Variants in DNAH17 observed in about 807,000 individuals in gnomAD.
DNAH17 encodes axonemal beta dynein heavy chain 17.
Under a neutral mutation model 485.6 loss-of-function variants are expected in DNAH17, and 376 were observed. The ratio of observed to expected loss-of-function variants is 0.77; its 90% CI spans 0.71 to 0.84. The LOEUF is 0.84. DNAH17 is among the 40% of genes least tolerant of loss of function. The pLI is 0.00. For synonymous variants in DNAH17, 3,031 were observed against 2,405.9 expected (o/e 1.26, Z -7.60); for missense variants, 6,370 against 5,839.3 (o/e 1.09, Z -2.96).
At chr17:78,477,686 C>T (rs1347199529) in intron 51 of DNAH17, among the ~76,000 whole-genome samples, 1 of 152,168 alleles carries the variant, frequency 6.6e-6, no homozygotes, top group Non-Finnish European at 1.5e-5. Flanking sequence ...TGGGCTGATA[C>T]TTTACGTGGG....
intron 68 of DNAH17, 126 bp from the exon 69 acceptor site, chr17:78,449,710 C>T (rs2087465650): frequency 1.0e-6 from 1 of 992,184 alleles, no homozygotes; most frequent in Non-Finnish European, 1.5e-6. Context: ...CAGAGTCTTG[C>T]TCTGTCGCCC....
At chr17:78,455,931 G>A in intron 62 of DNAH17, 95 bp from the exon 63 acceptor site, 1 of 1,100,828 alleles carries the variant, frequency 9.1e-7, no homozygotes, top group South Asian at 2.1e-5. Flanking sequence ...AATCTTCAGA[G>A]TTTCCCGTCT....
In DNAH17 at chr17:78,571,361, C is replaced by A. The variant is rs1331958270; in HGVS notation, c.750G>T (p.Val250=). 1.9e-6 allele frequency: 3 copies of A among 1,613,708 alleles called. No homozygotes were observed. Among genetic ancestry groups the A allele is most frequent in the Non-Finnish European group, 2.5e-6 (3 of 1,179,792 alleles). ...CIHEQLNRPK[V]NKIVEILEKA... Reference sequence around the variant, plus strand: ...TCTCTAGGATCTCAACAATCTTGTTCACTTTGGGTCTGTTTAGCTGAGAAG... The same window carrying A: ...TCTCTAGGATCTCAACAATCTTGTTAACTTTGGGTCTGTTTAGCTGAGAAG... Residue 250 remains valine, a synonymous_variant, in exon 5 of 81, where the codon GTG becomes GTT. Transcript: ENST00000389840.
chr17:78,495,472 T>C (rs1205498589), intron 38 of DNAH17, among the ~76,000 whole-genome samples: 3 of 150,182 alleles, frequency 2.0e-5, no homozygotes, highest in Admixed American at 1.3e-4. Context: ...AGTTTTGTTC[T>C]TGTTGCCCAG....
At position 78,514,800 on chromosome 17, in the gene DNAH17, A is replaced by G; in HGVS notation, c.4087T>C (p.Trp1363Arg). Reference sequence around the variant, plus strand: ...TGGGTGGCCTGCATGAGCTGCTGCCAGTGGCGTTCCCGAATGGCAGGGTTC... The same window carrying G: ...TGGGTGGCCTGCATGAGCTGCTGCCGGTGGCGTTCCCGAATGGCAGGGTTC... ...LQNPAIRERH[W>R]QQLMQATQVK... Residue 1363 changes from tryptophan (W) to arginine (R), a missense_variant, in exon 26 of 81, where the codon TGG becomes CGG. By Grantham distance (101) the Trp-to-Arg change is moderately radical. Coordinates refer to ENST00000389840, the MANE Select transcript of DNAH17 (RefSeq NM_173628.4). The G allele has an allele frequency of 6.2e-7, 1 of 1,613,998 alleles. No individual in the cohort carries two copies. Among genetic ancestry groups the G allele is most frequent in the Non-Finnish European group, 8.5e-7 (1 of 1,179,880 alleles).
At position 78,466,611 on chromosome 17, in the gene DNAH17, C is replaced by T. The variant is rs561605057; in HGVS notation, c.8940+44G>A. 77 of 1,562,952 alleles carry T rather than the reference C, an allele frequency of 4.9e-5. No homozygotes were observed. The South Asian group carries it at 7.2e-4, about 15-fold the overall frequency. On this transcript the variant is annotated intron_variant, in intron 56 of 80. Coordinates refer to ENST00000389840, the MANE Select transcript of DNAH17 (RefSeq NM_173628.4). ...AGCCAGCCCTTGGGCCTGTCCTTGT[C>T]CTCTGGGCTCTACACTCAGGCAGAG... is the stretch of plus-strand genomic sequence containing the variant.
At chr17:78,482,405 T>A (rs2146629352) in intron 48 of DNAH17, among the ~76,000 whole-genome samples, 1 of 152,366 alleles carries the variant, frequency 6.6e-6, no homozygotes, top group South Asian at 2.1e-4. Flanking sequence ...CTTGTATATT[T>A]CAGATATTAA....
Position 78,570,341 on chromosome 17 carries a change from G to T in DNAH17, c.950C>A (p.Thr317Asn). 2 of 1,610,566 alleles carry T rather than the reference G, an allele frequency of 1.2e-6. No individual in the cohort carries two copies. The highest frequency in any genetic ancestry group is 1.7e-4 in the Middle Eastern group (1 of 6,032). ...LPTFIAKVLD[T>N]ICFIWATSEY... ...AGAGGTGGCCCAGATGAAGCAGATG[G>T]TGTCCAGCACCTTGGCAATGAAGGT... Residue 317 changes from threonine to asparagine, a missense_variant, in exon 7 of 81, where the codon ACC becomes AAC. Transcript: ENST00000389840.
At position 78,536,410 on chromosome 17, in the gene DNAH17, A is replaced by G. The variant is rs564806663; in HGVS notation, c.2859+889T>C. Among the ~76,000 whole-genome samples, 570 of 152,274 alleles carry G rather than the reference A, an allele frequency of 3.7e-3. 5 individuals carry two copies. The highest frequency in any genetic ancestry group is 0.013 in the African/African-American group (545 of 41,550). ...GGTTGCAGTCAGCTGAGATTATGCT[A>G]CTGCACTCCAGCCTGGGCAACAGAG... On this transcript the variant is annotated intron_variant, in intron 19 of 80. Transcript: ENST00000389840.
chr17:78,439,294 G>A (rs2086977344), intron 72 of DNAH17, 77 bp from the exon 73 acceptor site: 1 of 1,471,782 alleles, frequency 6.8e-7, no homozygotes, highest in Admixed American at 2.3e-5. Flanking sequence ...CTACAGCCAG[G>A]AATTCCACAT....
Position 78,562,060 on chromosome 17 carries a change from G to A in DNAH17, c.1570-80C>T, listed in dbSNP as rs551485662. On this transcript the variant is annotated intron_variant, in intron 11 of 80. Transcript: ENST00000389840. ...CCTGTGGCTGTGGACAAAACGGGCAGGGCCAATCTTCAGGAGTGAGAGAAT... is the reference window on the plus strand; with the variant it reads ...CCTGTGGCTGTGGACAAAACGGGCAAGGCCAATCTTCAGGAGTGAGAGAAT... 2.6e-5 allele frequency: 39 copies of A among 1,474,700 alleles called. No individual in the cohort carries two copies. The African/African-American group carries it at 5.2e-4, about 20-fold the overall frequency. 91.4% of individuals were successfully genotyped at this position (1,474,700 alleles called of 1,614,324 possible). A position where few individuals can be genotyped will look rare whatever the true frequency, so the allele number is the denominator to read the frequency against.
intron 51 of DNAH17, among the ~76,000 whole-genome samples, chr17:78,478,227 C>G (rs919075980): frequency 2.2e-4 from 32 of 146,950 alleles, no homozygotes; most frequent in Admixed American, 2.1e-3. Context: ...ATCACCACAT[C>G]ACCATCACCA....
intron 78 of DNAH17, 47 bp from the exon 79 acceptor site, chr17:78,426,647 G>T (rs1181789217): frequency 2.6e-6 from 4 of 1,553,736 alleles, no homozygotes; most frequent in Non-Finnish European, 3.5e-6. Context: ...CTGGGGCCTG[G>T]GAGAGCACCA....
intron 16 of DNAH17, among the ~76,000 whole-genome samples, chr17:78,551,202 G>A (rs1413365241): frequency 6.6e-6 from 1 of 152,242 alleles, no homozygotes; most frequent in Non-Finnish European, 1.5e-5. Flanking sequence ...AGTTAGAACT[G>A]TACTGCTTCT....
chr17:78,490,269 G>A (rs983212869), intron 44 of DNAH17, among the ~76,000 whole-genome samples: 4 of 152,124 alleles, frequency 2.6e-5, no homozygotes, highest in Admixed American at 6.5e-5. Context: ...AGGAGAACCC[G>A]ACCACTGCCC....
chr17:78,475,792 G>C lies in DNAH17; in HGVS notation c.8196C>G (p.Phe2732Leu). The change falls in exon 53 of 81, where the codon TTC becomes TTG. Residue 2732 changes from phenylalanine to leucine, a missense_variant. Coordinates refer to ENST00000389840, the MANE Select transcript of DNAH17 (RefSeq NM_173628.4). ...CGCCAATCCCTTGAGCAAAGTGGCAGAAGATATTTGGCTTGGCAAATAAGA... is the reference window on the plus strand; with the variant it reads ...CGCCAATCCCTTGAGCAAAGTGGCACAAGATATTTGGCTTGGCAAATAAGA... The part of the protein sequence containing the change: ...DELLFAKPNI[F>L]CHFAQGIGDP... The C allele has an allele frequency of 3.7e-6, 6 of 1,613,864 alleles. No individual in the cohort carries two copies. The highest frequency in any genetic ancestry group is 5.1e-6 in the Non-Finnish European group (6 of 1,179,856).
intron 26 of DNAH17, among the ~76,000 whole-genome samples, chr17:78,514,465 A>ACTGCACT (rs2090721402): frequency 6.9e-6 from 1 of 144,114 alleles, no homozygotes; most frequent in Non-Finnish European, 1.5e-5. Flanking sequence ...AGATCGCGCC[A>ACTGCACT]CTGCACTCCA....
In DNAH17 at chr17:78,455,839, A is replaced by G. The variant is rs8069561; in HGVS notation, c.9978-3T>C. On this transcript the variant is annotated splice_region_variant and splice_polypyrimidine_tract_variant and intron_variant, in intron 62 of 80. Transcript: ENST00000389840. ...CCGATGCTAATCCCCCGACCAGCCT[A>G]AAGTGGGATGAGAGAGAATAAAACA... 0.91 allele frequency: 1,451,213 copies of G among 1,591,996 alleles called. 661,976 individuals are homozygous for G. The highest frequency in any genetic ancestry group is 0.99 in the East Asian group (43,658 of 43,920).
chr17:78,546,962 A>C (rs371628718), intron 16 of DNAH17, among the ~76,000 whole-genome samples: 31 of 152,212 alleles, frequency 2.0e-4, no homozygotes, highest in African/African-American at 7.5e-4. Flanking sequence ...GGAATTCAGG[A>C]TATGGTTAAC....
Sources: gnomAD v4.1 joint callset for allele counts (sites outside exome capture counted in the v4.1 genomes callset) on GRCh38, gnomAD v4.1.1 for gene constraint, MANE v1.5 for transcripts, NCBI Gene and HGNC (gene_info 2026-07-23, HGNC 2026-07-21) for gene names.